The following MYT1L variants were observed in gnomAD, a reference collection of about 807,000 sequenced individuals.
MYT1L encodes myelin transcription factor 1 like.
MYT1L carries 12 observed loss-of-function variants against 126.7 expected under a neutral mutation model. The ratio of observed to expected loss-of-function variants is 0.09; its 90% confidence interval spans 0.06 to 0.15. The LOEUF is 0.15. Among genes scored for constraint, MYT1L ranks in the 10% least tolerant of loss-of-function variants. The pLI is 1.00. For missense variants in MYT1L, 979 were observed against 1,585.2 expected, an observed-to-expected ratio of 0.62 and a Z score of 6.49; for synonymous variants, 541 against 604.2, an observed-to-expected ratio of 0.90 and a Z score of 1.53.
At chr2:2,018,615 G>T (rs1176847529) in intron 4 of MYT1L, among the ~76,000 whole-genome samples, 1 of 152,204 alleles carries the variant, frequency 6.6e-6, no homozygotes, top group Non-Finnish European at 1.5e-5. Flanking sequence ...ATGGCATGGT[G>T]CATGCTGCAA....
chr2:1,840,728 G>C, intron 20 of MYT1L, 32 bp downstream of exon 20: 1 of 1,489,778 alleles, frequency 6.7e-7, no homozygotes, highest in East Asian at 2.5e-5. Flanking sequence ...TGGCAGCCCT[G>C]CTATGGTTCT....
At chr2:2,310,931 C>A (rs1400785616) in intron 1 of MYT1L, among the ~76,000 whole-genome samples, 1 of 152,154 alleles carries the variant, frequency 6.6e-6, no homozygotes, top group Admixed American at 6.5e-5. Context: ...CATTCCTTTA[C>A]CCAACTATCC....
chr2:2,193,604 A>G (rs769749700), intron 2 of MYT1L, among the ~76,000 whole-genome samples: 9 of 152,218 alleles, frequency 5.9e-5, no homozygotes, highest in Non-Finnish European at 1.2e-4. Context: ...CATACAATCT[A>G]TAATCTCATC....
In MYT1L at chr2:1,887,669, G is replaced by A; in HGVS notation, c.2521-60C>T. The stretch of plus-strand genomic sequence containing the variant: ...TGATCACATGGCACACAGACTGAGG[G>A]AGGTGGTTCGTGGCTCTGGGGTGGC... On this transcript the variant is annotated intron_variant, in intron 16 of 24. Transcript: ENST00000647738. This position sits in a 1 kb window ranked among gnomAD's most constrained non-coding sequence, Gnocchi z 4.8. The A allele has an allele frequency of 1.9e-6, 3 of 1,610,598 alleles. No homozygotes were observed. Among genetic ancestry groups the A allele is most frequent in the South Asian group, 1.1e-5 (1 of 90,874 alleles).
chr2:1,891,336 C>G (rs909775611), intron 15 of MYT1L, among the ~76,000 whole-genome samples: 5 of 152,176 alleles, frequency 3.3e-5, no homozygotes, highest in African/African-American at 1.2e-4. Flanking sequence ...AATCTGACCG[C>G]TCCCTGGCAC....
intron 18 of MYT1L, among the ~76,000 whole-genome samples, chr2:1,868,474 T>C (rs2045876242): frequency 6.6e-6 from 1 of 152,124 alleles, no homozygotes; most frequent in Non-Finnish European, 1.5e-5. Context: ...CCTTGATAAT[T>C]GGGAAGGATC....
chr2:2,109,912 T>TATAG (rs2079215582), intron 3 of MYT1L, among the ~76,000 whole-genome samples: 1 of 131,228 alleles, frequency 7.6e-6, no homozygotes, highest in Non-Finnish European at 1.7e-5. Context: ...TATATATATA[T>TATAG]ATATATATAT....
chr2:2,202,259 A>G (rs928095457), intron 2 of MYT1L, among the ~76,000 whole-genome samples: 13 of 152,314 alleles, frequency 8.5e-5, no homozygotes, highest in African/African-American at 3.1e-4. Context: ...GAAGGCAAGA[A>G]ATAACTAAGA....
intron 2 of MYT1L, among the ~76,000 whole-genome samples, chr2:2,256,217 A>G (rs899189362): frequency 3.3e-5 from 5 of 152,222 alleles, no homozygotes; most frequent in African/African-American, 1.2e-4. Flanking sequence ...GCGTGAGGCC[A>G]AACTGGTCCG....
At chr2:2,008,755 G>A (rs1380943073) in intron 4 of MYT1L, among the ~76,000 whole-genome samples, 2 of 152,092 alleles carry the variant, frequency 1.3e-5, no homozygotes, top group Non-Finnish European at 2.9e-5. Flanking sequence ...GTGTTGCTGT[G>A]ACCAAGGTCA....
chr2:2,169,923 T>C (rs2089766965), intron 3 of MYT1L, among the ~76,000 whole-genome samples: 1 of 152,230 alleles, frequency 6.6e-6, no homozygotes, highest in Admixed American at 6.5e-5. Flanking sequence ...TTCAGGATGA[T>C]ATTTCTAGTC....
chr2:2,039,621 C>T (rs2067297924), intron 4 of MYT1L, among the ~76,000 whole-genome samples: 1 of 152,180 alleles, frequency 6.6e-6, no homozygotes, highest in South Asian at 2.1e-4. Flanking sequence ...CTTTGAACGT[C>T]ACAGGTTCTC....
chr2:2,105,115 G>C (rs962455994), intron 3 of MYT1L, among the ~76,000 whole-genome samples: 1 of 152,142 alleles, frequency 6.6e-6, no homozygotes, highest in African/African-American at 2.4e-5. Context: ...TCTAAGACAA[G>C]AGTGACTCCA....
In MYT1L at chr2:2,013,662, T is replaced by C. The variant is rs947353342; in HGVS notation, c.-157-16315A>G. On this transcript the variant is annotated intron_variant, in intron 4 of 24. Coordinates refer to ENST00000647738, the MANE Select transcript of MYT1L (RefSeq NM_001303052.2). The stretch of plus-strand genomic sequence containing the variant: ...TGTGCTGCTCTGCAGATCGGGGACA[T>C]GCTGGAGGCATGCTGCCACCAACTC... Among the ~76,000 whole-genome samples, 5 of 152,232 alleles carry C rather than the reference T, an allele frequency of 3.3e-5. 1 individual carries two copies. Among genetic ancestry groups the C allele is most frequent in the South Asian group, 4.1e-4 (2 of 4,836 alleles).
intron 18 of MYT1L, among the ~76,000 whole-genome samples, chr2:1,877,987 GC>G (rs932379318): frequency 1.3e-5 from 2 of 152,202 alleles, no homozygotes; most frequent in Non-Finnish European, 2.9e-5. Flanking sequence ...GAACTTGAAG[GC>G]CCCAATTATT....
chr2:2,105,206 G>A (rs541128927), intron 3 of MYT1L, among the ~76,000 whole-genome samples: 8 of 152,168 alleles, frequency 5.3e-5, no homozygotes, highest in South Asian at 2.1e-4. Flanking sequence ...TAAGTGTTTC[G>A]GCCTAGAATG....
chr2:2,198,322 C>T (rs2092915456), intron 2 of MYT1L, among the ~76,000 whole-genome samples: 1 of 152,010 alleles, frequency 6.6e-6, no homozygotes, highest in Non-Finnish European at 1.5e-5. Flanking sequence ...TACAGTTAGG[C>T]AAGAGGACCG....
chr2:1,910,448 G>A lies in MYT1L; in HGVS notation c.1710-101C>T. ...AGACCCTGATGCAGGTGGAGCTGGTGAGGGAGGGGTAGTTTCCCAAACCTG... is the reference window on the plus strand; with the variant it reads ...AGACCCTGATGCAGGTGGAGCTGGTAAGGGAGGGGTAGTTTCCCAAACCTG... On this transcript the variant is annotated intron_variant, in intron 12 of 24. Coordinates refer to ENST00000647738, the MANE Select transcript of MYT1L (RefSeq NM_001303052.2). The surrounding 1 kb of genome is among the most constrained non-coding windows in gnomAD (Gnocchi z 4.8). 1 of 1,105,478 alleles carries A rather than the reference G, an allele frequency of 9.0e-7. No individual in the cohort carries two copies. Among genetic ancestry groups the A allele is most frequent in the Non-Finnish European group, 1.3e-6 (1 of 755,272 alleles). 68.5% of individuals were successfully genotyped at this position (1,105,478 alleles called of 1,614,324 possible).
At chr2:2,251,488 C>A (rs2094648975) in intron 2 of MYT1L, among the ~76,000 whole-genome samples, 1 of 152,148 alleles carries the variant, frequency 6.6e-6, no homozygotes, top group Non-Finnish European at 1.5e-5. Context: ...CTGTACCCCC[C>A]ACCTCCTGCC....
Sources: allele counts gnomAD v4.1 joint callset (sites outside exome capture counted in the v4.1 genomes callset), GRCh38; gene constraint gnomAD v4.1.1; non-coding constraint Gnocchi (gnomAD v3.1); transcripts MANE v1.5; gene names NCBI Gene and HGNC (gene_info 2026-07-23, HGNC 2026-07-21).